Variants in ZPBP observed in about 807,000 individuals in gnomAD.
ZPBP encodes zona pellucida-binding protein 1.
ZPBP carries 26 observed loss-of-function variants against 44.8 expected under a neutral mutation model. The ratio of observed to expected loss-of-function variants is 0.58; its 90% CI spans 0.43 to 0.81. The LOEUF (loss-of-function observed/expected upper bound fraction) is 0.81. ZPBP is among the 30% of genes least tolerant of loss of function. The probability of loss-of-function intolerance (pLI) is 0.00; values close to 1 mark genes in which losing one functional copy is unlikely to be tolerated. For synonymous variants in ZPBP, 174 were observed against 153.2 expected (o/e 1.14, Z -1.00); for missense variants, 409 against 434.0 (o/e 0.94, Z 0.51).
chr7:50,040,236 T>C (rs527939863), intron 4 of ZPBP, among the ~76,000 whole-genome samples: 5 of 152,200 alleles, frequency 3.3e-5, no homozygotes, highest in Admixed American at 3.3e-4. Flanking sequence ...ATTGTCTACA[T>C]GAGATGCACT....
At position 50,093,233 on chromosome 7, in the gene ZPBP, G is replaced by A. The variant is rs552348308; in HGVS notation, c.-39C>T. ...TCGCCTGCCCACCGTCCGCGCGGAA[G>A]GTCGTTAGGCAACGCGCGCCCACCT... On this transcript the variant is annotated 5_prime_UTR_variant, in exon 1 of 8. Transcript: ENST00000046087. 6 of 1,494,014 alleles carry A rather than the reference G, an allele frequency of 4.0e-6. No individual in the cohort carries two copies. Among genetic ancestry groups the A allele is most frequent in the African/African-American group, 2.9e-5 (2 of 68,814 alleles). 92.5% of individuals were successfully genotyped at this position (1,494,014 alleles called of 1,614,324 possible). A position where few individuals can be genotyped will look rare whatever the true frequency, so the allele number is the denominator to read the frequency against.
intron 2 of ZPBP, among the ~76,000 whole-genome samples, chr7:50,085,305 T>G (rs1397748129): frequency 6.6e-6 from 1 of 152,114 alleles, no homozygotes; most frequent in East Asian, 1.9e-4. Flanking sequence ...ATTTCTAGCC[T>G]CTATAACTGT....
intron 6 of ZPBP, among the ~76,000 whole-genome samples, chr7:49,994,425 T>C (rs563922398): frequency 6.6e-6 from 1 of 152,308 alleles, no homozygotes; most frequent in South Asian, 2.1e-4. Flanking sequence ...TCTGCACTAA[T>C]TTACTTGTGC....
chr7:49,880,763 A>G (rs1238027728), intron 2 of ZPBP, among the ~76,000 whole-genome samples: 4 of 152,080 alleles, frequency 2.6e-5, no homozygotes, highest in Non-Finnish European at 4.4e-5. Flanking sequence ...GCACACCAAC[A>G]TGGCACATGT....
chr7:50,088,242 T>C (rs149624322), intron 2 of ZPBP, among the ~76,000 whole-genome samples: 1 of 152,170 alleles, frequency 6.6e-6, no homozygotes, highest in Admixed American at 6.5e-5. Flanking sequence ...AGAATGAGCA[T>C]GACCTCTACC....
intron 3 of ZPBP, among the ~76,000 whole-genome samples, chr7:50,073,501 T>C (rs1209517599): frequency 6.6e-6 from 1 of 151,954 alleles, no homozygotes; most frequent in African/African-American, 2.4e-5. Context: ...AAAAGGATAA[T>C]AACAGAGAAT....
intron 7 of ZPBP, chr7:49,943,992 C>A: frequency 3.4e-6 from 1 of 296,078 alleles, no homozygotes; most frequent in Non-Finnish European, 6.7e-6. Flanking sequence ...TTGGTTGCTT[C>A]CTTTGTGACA....
chr7:49,980,002 AT>A (rs1796719237), intron 7 of ZPBP, among the ~76,000 whole-genome samples: 5 of 98,382 alleles, frequency 5.1e-5, no homozygotes, highest in African/African-American at 8.3e-5. Context: ...TATATTATAT[AT>A]TATATATATT....
intron 5 of ZPBP, among the ~76,000 whole-genome samples, chr7:50,024,360 T>G (rs1490647255): frequency 1.3e-5 from 2 of 152,160 alleles, no homozygotes; most frequent in East Asian, 3.9e-4. Flanking sequence ...TATGCTCCCA[T>G]GTTCACTGCA....
intron 2 of ZPBP, among the ~76,000 whole-genome samples, chr7:49,872,333 G>C (rs992759485): frequency 4.6e-5 from 7 of 152,194 alleles, no homozygotes; most frequent in Middle Eastern, 3.4e-3. Flanking sequence ...TGTCCACCAA[G>C]TGTCAAGTTA....
At chr7:50,043,867 C>T (rs1270913315) in intron 4 of ZPBP, among the ~76,000 whole-genome samples, 3 of 152,130 alleles carry the variant, frequency 2.0e-5, no homozygotes, top group Non-Finnish European at 4.4e-5. Flanking sequence ...AATATACATC[C>T]TTCTCAGCAC....
intron 7 of ZPBP, chr7:49,943,200 G>A: frequency 3.2e-6 from 1 of 314,324 alleles, no homozygotes; most frequent in Non-Finnish European, 6.3e-6. Flanking sequence ...ATTCTCCCAA[G>A]AATTAATCTT....
intron 7 of ZPBP, among the ~76,000 whole-genome samples, chr7:49,980,066 AT>A (rs375353561): frequency 0.021 from 242 of 11,610 alleles, no homozygotes; most frequent in African/African-American, 0.044. Flanking sequence ...TTTATATTAT[AT>A]TATAATATAT....
intron 2 of ZPBP, among the ~76,000 whole-genome samples, chr7:49,883,531 A>G (rs1343083126): frequency 6.6e-6 from 1 of 152,218 alleles, no homozygotes; most frequent in African/African-American, 2.4e-5. Flanking sequence ...CATATTGGCC[A>G]ATGTTCAAAA....
chr7:50,076,005 C>A (rs1056628992), intron 3 of ZPBP, among the ~76,000 whole-genome samples: 4 of 151,766 alleles, frequency 2.6e-5, no homozygotes, highest in Non-Finnish European at 5.9e-5. Flanking sequence ...AAATCCTCAA[C>A]AAAATACTAG....
intron 5 of ZPBP, among the ~76,000 whole-genome samples, chr7:50,028,765 G>A (rs1046075258): frequency 4.0e-5 from 6 of 151,794 alleles, no homozygotes; most frequent in Admixed American, 6.6e-5. Flanking sequence ...AAAATACTTA[G>A]AAATACATTT....
chr7:50,035,175 C>T (rs1234255266), intron 4 of ZPBP, among the ~76,000 whole-genome samples: 1 of 152,176 alleles, frequency 6.6e-6, no homozygotes, highest in Non-Finnish European at 1.5e-5. Flanking sequence ...ATTTGTGGCT[C>T]TTTGTTAAAA....
intron 1 of ZPBP, chr7:49,918,119 C>T (rs1793821158): frequency 6.6e-6 from 1 of 152,178 alleles, no homozygotes; most frequent in Non-Finnish European, 1.5e-5. Context: ...GTTTCCTTCA[C>T]TTATTATCAC....
chr7:49,904,175 G>A (rs958823431), intron 1 of ZPBP, among the ~76,000 whole-genome samples: 2 of 152,190 alleles, frequency 1.3e-5, no homozygotes, highest in Non-Finnish European at 2.9e-5. Context: ...GCTTGTCTAT[G>A]TCTGCAGCTC....
Sources: gnomAD v4.1 joint callset for allele counts (sites outside exome capture counted in the v4.1 genomes callset) on GRCh38, gnomAD v4.1.1 for gene constraint, MANE v1.5 for transcripts, NCBI Gene and HGNC (gene_info 2026-07-23, HGNC 2026-07-21) for gene names.